PRSS23: variants seen among roughly 807,000 people sequenced by gnomAD.
PRSS23 encodes the protein serine protease 23, also known as protease, serine 23.
PRSS23 carries 25 observed loss-of-function variants against 34.7 expected under a neutral mutation model. That is an observed-to-expected ratio of 0.72 (90% CI 0.53 to 1.01). The LOEUF (loss-of-function observed/expected upper bound fraction) is 1.01, where lower values mean the gene tolerates loss of function less well. PRSS23 is among the 50% of genes least tolerant of loss of function. The pLI, the probability that PRSS23 is intolerant of heterozygous loss-of-function variation, is 0.00. For missense variants in PRSS23, 445 were observed against 475.6 expected, an observed-to-expected ratio of 0.94 and a Z score of 0.60; for synonymous variants, 176 against 186.6, an observed-to-expected ratio of 0.94 and a Z score of 0.46.
intron 2 of PRSS23, among the ~76,000 whole-genome samples, chr11:86,828,390 C>G (rs551438672): frequency 1.3e-5 from 2 of 152,270 alleles, no homozygotes; most frequent in East Asian, 1.9e-4. Context: ...GTGTGTGTCT[C>G]TGCACATGAG....
intron 2 of PRSS23, among the ~76,000 whole-genome samples, chr11:86,905,409 T>A (rs551471106): frequency 6.6e-6 from 1 of 152,200 alleles, no homozygotes; most frequent in African/African-American, 2.4e-5. Flanking sequence ...CGGCACATCA[T>A]TGATACTCTT....
intron 2 of PRSS23, among the ~76,000 whole-genome samples, chr11:86,836,620 G>A (rs1161694417): frequency 6.6e-6 from 1 of 152,196 alleles, no homozygotes; most frequent in Non-Finnish European, 1.5e-5. Flanking sequence ...GCTGGGAGAA[G>A]TATCTAGTGA....
intron 1 of PRSS23, among the ~76,000 whole-genome samples, chr11:86,802,084 A>C (rs1186574999): frequency 6.6e-6 from 1 of 152,208 alleles, no homozygotes; most frequent in Non-Finnish European, 1.5e-5. Flanking sequence ...CCCAGTCTGC[A>C]ATGGTTAATA....
chr11:86,805,534 C>G (rs1268268027), intron 1 of PRSS23, among the ~76,000 whole-genome samples: 1 of 152,136 alleles, frequency 6.6e-6, no homozygotes, highest in Non-Finnish European at 1.5e-5. Flanking sequence ...GCTCAGGGAC[C>G]CTTCCTATTT....
chr11:86,856,107 C>G (rs189667220), intron 2 of PRSS23, among the ~76,000 whole-genome samples: 1 of 152,044 alleles, frequency 6.6e-6, no homozygotes, highest in African/African-American at 2.4e-5. Flanking sequence ...TGAGATAAAA[C>G]AGCAATCAAT....
upstream of PRSS23, among the ~76,000 whole-genome samples, chr11:86,797,510 C>T (rs1228616033): frequency 2.0e-5 from 3 of 152,220 alleles, no homozygotes; most frequent in African/African-American, 7.2e-5. Flanking sequence ...TTCCTATTAG[C>T]TCTTTGGATA....
chr11:86,945,715 T>G (rs1314656564), intron 2 of PRSS23: 4 of 152,654 alleles, frequency 2.6e-5, no homozygotes, highest in Non-Finnish European at 4.4e-5. Flanking sequence ...AATACAAAAT[T>G]AAATAGCAAG....
At chr11:86,938,687 G>A (rs867098221) in intron 2 of PRSS23, among the ~76,000 whole-genome samples, 3 of 142,054 alleles carry the variant, frequency 2.1e-5, no homozygotes, top group African/African-American at 5.1e-5. Flanking sequence ...TGGGGGTGGT[G>A]CAAGGAGGCC....
chr11:86,890,559 G>A (rs765480655), intron 2 of PRSS23, among the ~76,000 whole-genome samples: 10 of 152,162 alleles, frequency 6.6e-5, no homozygotes, highest in Non-Finnish European at 8.8e-5. Context: ...TAGGGAATTC[G>A]GGAGTGGCCA....
intron 2 of PRSS23, among the ~76,000 whole-genome samples, chr11:86,928,279 A>T (rs1251707215): frequency 6.7e-6 from 1 of 148,268 alleles, no homozygotes; most frequent in Non-Finnish European, 1.5e-5. Flanking sequence ...TGTTTAATAC[A>T]TATTACATTA....
intron 2 of PRSS23, among the ~76,000 whole-genome samples, chr11:86,836,284 T>C (rs1056887573): frequency 6.6e-6 from 1 of 152,122 alleles, no homozygotes; most frequent in Admixed American, 6.5e-5. Flanking sequence ...GGCTTTTAGG[T>C]CCTTAACAAT....
intron 2 of PRSS23, among the ~76,000 whole-genome samples, chr11:86,938,165 G>A (rs1473104632): frequency 2.0e-5 from 3 of 152,166 alleles, no homozygotes; most frequent in Admixed American, 2.0e-4. Context: ...TCGAGCACCC[G>A]AACCAGCATT....
chr11:86,948,709 TTTA>T (rs1949264598), intron 2 of PRSS23: 1 of 152,210 alleles, frequency 6.6e-6, no homozygotes, highest in African/African-American at 2.4e-5. Context: ...CAAGTGCTCT[TTTA>T]TTGTTATTAT....
At chr11:86,865,445 T>G (rs1194324159) in intron 2 of PRSS23, among the ~76,000 whole-genome samples, 1 of 152,240 alleles carries the variant, frequency 6.6e-6, no homozygotes, top group Non-Finnish European at 1.5e-5. Flanking sequence ...TTCAGCAAGT[T>G]CTGTGAGTGT....
chr11:86,833,250 G>A, intron 2 of PRSS23: 1 of 1,575,746 alleles, frequency 6.3e-7, no homozygotes, highest in Non-Finnish European at 8.7e-7. Flanking sequence ...TGAAACCGAT[G>A]TCAGCCAAGG....
intron 2 of PRSS23, among the ~76,000 whole-genome samples, chr11:86,825,888 G>A (rs1948296392): frequency 6.6e-6 from 1 of 152,034 alleles, no homozygotes; most frequent in African/African-American, 2.4e-5. Context: ...CTGTAGCCTT[G>A]TAGTATAGTT....
chr11:86,922,825 AAC>A (rs1371701640), intron 2 of PRSS23, among the ~76,000 whole-genome samples: 2 of 152,306 alleles, frequency 1.3e-5, no homozygotes, highest in Admixed American at 6.5e-5. Context: ...TCCTGCATCT[AAC>A]AGACTTCCTG....
chr11:86,859,206 G>A (rs1948595105), intron 2 of PRSS23, among the ~76,000 whole-genome samples: 1 of 151,958 alleles, frequency 6.6e-6, no homozygotes, highest in Admixed American at 6.6e-5. Flanking sequence ...GGAAGAAGAA[G>A]ATGATATTAC....
At chr11:86,865,797 C>T (rs1332058849) in intron 2 of PRSS23, among the ~76,000 whole-genome samples, 5 of 152,156 alleles carry the variant, frequency 3.3e-5, no homozygotes, top group African/African-American at 1.2e-4. Flanking sequence ...AACATCAAGA[C>T]CAGACTAAGC....
Sources: gnomAD v4.1 joint callset for allele counts (sites outside exome capture counted in the v4.1 genomes callset) on GRCh38, gnomAD v4.1.1 for gene constraint, MANE v1.5 for transcripts, NCBI Gene and HGNC (gene_info 2026-07-23, HGNC 2026-07-21) for gene names.